The following LRPAP1 variants were observed in gnomAD, a reference collection of about 807,000 sequenced individuals.
LRPAP1 encodes alpha-2-macroglobulin receptor-associated protein.
Under a neutral mutation model 39.9 loss-of-function variants are expected in LRPAP1, and 41 were observed. The observed-to-expected ratio is 1.03, with a 90% confidence interval of 0.80 to 1.33. The LOEUF (loss-of-function observed/expected upper bound fraction) is 1.33, where lower values mean the gene tolerates loss of function less well. Among genes scored for constraint, LRPAP1 ranks in the 40% most tolerant of loss-of-function variants. LRPAP1 has a pLI of 0.00. For synonymous variants in LRPAP1, 263 were observed against 212.7 expected (o/e 1.24, Z -2.06); for missense variants, 565 against 482.3 (o/e 1.17, Z -1.61).
rs1729923233 is a variant in LRPAP1, at chr4:3,521,987, T to TAAA, written c.350-1795_350-1794insTTT. On this transcript the variant is annotated intron_variant, in intron 2 of 7. Coordinates refer to ENST00000650182, the MANE Select transcript of LRPAP1 (RefSeq NM_002337.4). ...CCCATCTTTTAAAATAAATAAATAA[T>TAAA]TAAATAAATAATACCGGCTGTGGGG... is the stretch of plus-strand genomic sequence containing the variant. 3.9e-5 allele frequency among the ~76,000 whole-genome samples: 6 copies of TAAA among 152,254 alleles called. No homozygotes were observed. In the South Asian group the frequency reaches 1.2e-3, roughly 32 times the overall value.
At chr4:3,517,127 C>A (rs1729737268) in intron 5 of LRPAP1, among the ~76,000 whole-genome samples, 1 of 152,266 alleles carries the variant, frequency 6.6e-6, no homozygotes, top group African/African-American at 2.4e-5. Context: ...CTGACAGTCA[C>A]CAGCACCAGG....
intron 5 of LRPAP1, 144 bp downstream of exon 5, chr4:3,517,890 G>C (rs2498328): frequency 0.82 from 853,065 of 1,036,728 alleles, 352,459 homozygotes; most frequent in African/African-American, 0.96. Flanking sequence ...GTGACCACCC[G>C]TGGGTAGACT....
At chr4:3,524,061 A>G (rs939964049) in intron 2 of LRPAP1, among the ~76,000 whole-genome samples, 3 of 152,094 alleles carry the variant, frequency 2.0e-5, no homozygotes, top group African/African-American at 7.2e-5. Flanking sequence ...TGCTACACAT[A>G]GCTGACAGCA....
In LRPAP1 at chr4:3,522,777, G is replaced by A. The variant is rs191739395; in HGVS notation, c.349+2130C>T. ...TGGGGAGTGAAGTGGCCCTGGGGGCGCGGTGGGGGTGAGGACAGGAGCGAA... is the reference window on the plus strand; with the variant it reads ...TGGGGAGTGAAGTGGCCCTGGGGGCACGGTGGGGGTGAGGACAGGAGCGAA... On this transcript the variant is annotated intron_variant, in intron 2 of 7. Coordinates refer to ENST00000650182, the MANE Select transcript of LRPAP1 (RefSeq NM_002337.4). 2.1e-3 allele frequency among the ~76,000 whole-genome samples: 318 copies of A among 152,218 alleles called. 2 individuals carry two copies. The highest frequency in any genetic ancestry group is 7.0e-3 in the African/African-American group (290 of 41,522).
rs1393785586 is a variant in LRPAP1, at chr4:3,505,936, T to C, written c.*7038A>G. On this transcript the variant is annotated 3_prime_UTR_variant, in exon 8 of 8. Transcript: ENST00000650182. ...TGCTCCGAGCCTGCTCTGGTCAAGG[T>C]GGGCAATGCTGCCCTTCATGTACTT... Among the ~76,000 whole-genome samples the C allele has an allele frequency of 1.3e-5, 2 of 152,194 alleles. No individual in the cohort carries two copies. Among genetic ancestry groups the C allele is most frequent in the Non-Finnish European group, 2.9e-5 (2 of 68,032 alleles).
rs748649483 is a variant in LRPAP1 at position 3,518,181 on chromosome 4, T to C, written c.604A>G (p.Asn202Asp). 8.7e-6 allele frequency: 14 copies of C among 1,610,404 alleles called. No homozygotes were observed. The highest frequency in any genetic ancestry group is 1.6e-4 in the Middle Eastern group (1 of 6,076). Residue 202 changes from asparagine (N) to aspartate (D), a missense_variant, in exon 5 of 8, where the codon AAC becomes GAC. Transcript: ENST00000650182. ...CTCAGGTCCGAGGGGCTAATGACGT[T>C]CTCGTGGATTTCTGTAAAACCGAAG... ...TLSRTEEIHE[N>D]VISPSDLSDI...
intron 3 of LRPAP1, among the ~76,000 whole-genome samples, chr4:3,519,850 A>G (rs1363784993): frequency 6.6e-6 from 1 of 152,230 alleles, no homozygotes; most frequent in Non-Finnish European, 1.5e-5. Context: ...CAAAGGCCAA[A>G]CAGAGCTCCT....
In LRPAP1 at chr4:3,517,770, G is replaced by C. The variant is rs75347753; in HGVS notation, c.751+264C>G. 7.9e-3 allele frequency: 3,204 copies of C among 407,672 alleles called. 29 individuals carry two copies. Among genetic ancestry groups the C allele is most frequent in the Middle Eastern group, 0.017 (26 of 1,570 alleles). 25.3% of individuals were successfully genotyped at this position (407,672 alleles called of 1,614,324 possible). On this transcript the variant is annotated intron_variant, in intron 5 of 7. Coordinates refer to ENST00000650182, the MANE Select transcript of LRPAP1 (RefSeq NM_002337.4). ...GTGCTGCTGAGGCTGGGGAGACGCT[G>C]GGAAGGGCTGCTCCCAGGCCCGCTG...
In LRPAP1 at chr4:3,508,735, C is replaced by A. The variant is rs187147956; in HGVS notation, c.*4239G>T. ...CACTAGGTGCAGGAAAGGCAGCTGA[C>A]CACATTCAACACGGATTCAGGAAAA... is the stretch of plus-strand genomic sequence containing the variant. On this transcript the variant is annotated 3_prime_UTR_variant, in exon 8 of 8. Coordinates refer to ENST00000650182, the MANE Select transcript of LRPAP1 (RefSeq NM_002337.4). The A allele has an allele frequency of 1.2e-4, 18 of 152,280 alleles. No homozygotes were observed. The East Asian group carries it at 3.5e-3, about 29-fold the overall frequency. The allele number at this position is 152,280 out of a possible 1,614,324, so 9.4% of individuals were successfully genotyped here.
At chr4:3,516,661 A>G (rs972393428) in intron 5 of LRPAP1, among the ~76,000 whole-genome samples, 2 of 152,204 alleles carry the variant, frequency 1.3e-5, no homozygotes, top group South Asian at 4.1e-4. Context: ...TGTGCTCGTG[A>G]AAGTCAAACA....
Position 3,504,942 on chromosome 4 carries a change from G to C in LRPAP1, c.*8032C>G, listed in dbSNP as rs1022369127. Reference sequence around the variant, plus strand: ...AGCCTGGGCGACAGAGCAAGACTCCGTCTCAAGAAAAAAATAAATAACAAA... The same window carrying C: ...AGCCTGGGCGACAGAGCAAGACTCCCTCTCAAGAAAAAAATAAATAACAAA... On this transcript the variant is annotated 3_prime_UTR_variant, in exon 8 of 8. Coordinates refer to ENST00000650182, the MANE Select transcript of LRPAP1 (RefSeq NM_002337.4). Among the ~76,000 whole-genome samples, 9 of 104,320 alleles carry C rather than the reference G, an allele frequency of 8.6e-5. No homozygotes were observed. The highest frequency in any genetic ancestry group is 2.9e-4 in the African/African-American group (9 of 30,966). 68.4% of individuals were successfully genotyped at this position (104,320 alleles called of 152,430 possible).
rs1560247370 is a variant in LRPAP1 at position 3,506,551 on chromosome 4, T to G, written c.*6423A>C. The G allele has an allele frequency of 6.6e-6, 1 of 151,440 alleles. No individual in the cohort carries two copies. Among genetic ancestry groups the G allele is most frequent in the African/African-American group, 2.4e-5 (1 of 41,096 alleles). The allele number at this position is 151,440 out of a possible 1,614,324, so 9.4% of individuals were successfully genotyped here. A position where few individuals can be genotyped will look rare whatever the true frequency, so the allele number is the denominator to read the frequency against. On this transcript the variant is annotated 3_prime_UTR_variant, in exon 8 of 8. Coordinates refer to ENST00000650182, the MANE Select transcript of LRPAP1 (RefSeq NM_002337.4). Reference sequence around the variant, plus strand: ...CCATGCCTGGCTAATTTTTTATTTTTAGTAGAGATGGGGTTTCACCATGTT... The same window carrying G: ...CCATGCCTGGCTAATTTTTTATTTTGAGTAGAGATGGGGTTTCACCATGTT...
chr4:3,515,829 C>T, intron 6 of LRPAP1: 1 of 473,330 alleles, frequency 2.1e-6, no homozygotes, highest in Non-Finnish European at 3.8e-6. Context: ...TGGGTCCCGA[C>T]CAACTGTTGA....
chr4:3,516,132 T>A lies in LRPAP1; in HGVS notation c.818A>T (p.Glu273Val), dbSNP rs1377503360. ...LAQSANLTDK[E>V]LEAFREELKH... ...TTTCCTTACCCGGAACGCCTCCAGC[T>A]CCTTGTCCGTGAGGTTGGCGGACTG... is the stretch of plus-strand genomic sequence containing the variant. Residue 273 changes from glutamate (E) to valine (V), a missense_variant, in exon 6 of 8, where the codon GAG (glutamate) becomes GTG (valine). Physicochemically the swap from Glu to Val is moderately radical, Grantham distance 121 (BLOSUM62 -2). Transcript: ENST00000650182. 6 of 1,579,228 alleles carry A rather than the reference T, an allele frequency of 3.8e-6. No individual in the cohort carries two copies. Among genetic ancestry groups the A allele is most frequent in the Admixed American group, 1.8e-5 (1 of 54,112 alleles).
In LRPAP1 at chr4:3,520,055, A is replaced by C. The variant is rs1247016004; in HGVS notation, c.471+17T>G. 6.2e-7 allele frequency: 1 copy of C among 1,613,322 alleles called. No homozygotes were observed. Among genetic ancestry groups the C allele is most frequent in the Admixed American group, 1.7e-5 (1 of 59,944 alleles). On this transcript the variant is annotated intron_variant, in intron 3 of 7. Coordinates refer to ENST00000650182, the MANE Select transcript of LRPAP1 (RefSeq NM_002337.4). The stretch of plus-strand genomic sequence containing the variant: ...ACGGCACCAATTCTGCAAGGTATGC[A>C]AACAATCGAAGAGTACCTTGTGCCA...
At chr4:3,525,223 A>G (rs1365514422) in intron 1 of LRPAP1, 172 bp from the exon 2 acceptor site, 3 of 676,260 alleles carry the variant, frequency 4.4e-6, no homozygotes, top group Non-Finnish European at 7.7e-6. Flanking sequence ...CAAGAACTCA[A>G]CATGGACACC....
chr4:3,519,654 C>T (rs912780236), intron 3 of LRPAP1, among the ~76,000 whole-genome samples: 13 of 152,354 alleles, frequency 8.5e-5, no homozygotes, highest in African/African-American at 3.1e-4. Context: ...CCTGGCCCCG[C>T]ACCCTTCCCA....
chr4:3,518,135 A>G lies in LRPAP1; in HGVS notation c.650T>C (p.Leu217Pro). ...CTTCAGCTCCGTGTGCCTGCTGTGCAGGACGCTGCCCTTGATGTCGCTCAG... is the reference window on the plus strand; with the variant it reads ...CTTCAGCTCCGTGTGCCTGCTGTGCGGGACGCTGCCCTTGATGTCGCTCAG... ...SDLSDIKGSV[L>P]HSRHTELKEK... The change falls in exon 5 of 8, where the codon CTG becomes CCG. Residue 217 changes from leucine (L) to proline (P), a missense_variant. Physicochemically the swap from Leu to Pro is moderately conservative, Grantham distance 98 (BLOSUM62 -3). Transcript: ENST00000650182. 8 of 1,613,678 alleles carry G rather than the reference A, an allele frequency of 5.0e-6. No homozygotes were observed. The highest frequency in any genetic ancestry group is 6.8e-6 in the Non-Finnish European group (8 of 1,179,958).
At chr4:3,530,163 G>C (rs948885767) in intron 1 of LRPAP1, among the ~76,000 whole-genome samples, 5 of 152,088 alleles carry the variant, frequency 3.3e-5, no homozygotes, top group African/African-American at 4.8e-5. Flanking sequence ...CCTGCCTCCT[G>C]ACCACCCTGG....
Sources: gnomAD v4.1 joint callset for allele counts (sites outside exome capture counted in the v4.1 genomes callset) on GRCh38, gnomAD v4.1.1 for gene constraint, MANE v1.5 for transcripts, NCBI Gene and HGNC (gene_info 2026-07-23, HGNC 2026-07-21) for gene names.